Variants in MON2 observed in about 807,000 individuals in gnomAD.
The protein encoded by MON2 is protein MON2 homolog.
In MON2, 84 loss-of-function variants were observed where a neutral mutation model predicts 208.6. The ratio of observed to expected loss-of-function variants is 0.40; its 90% CI spans 0.34 to 0.48. MON2 has a LOEUF of 0.48. Ranked by LOEUF, MON2 falls within the 20% of genes least tolerant of loss-of-function variation. The pLI is 0.59. For synonymous variants in MON2, 660 were observed against 694.0 expected (o/e 0.95, Z 0.77); for missense variants, 1,611 against 2,015.4 (o/e 0.80, Z 3.84).
intron 9 of MON2, 128 bp from the exon 10 acceptor site, chr12:62,524,956 G>A: frequency 1.2e-6 from 1 of 844,678 alleles, no homozygotes; most frequent in Non-Finnish European, 1.8e-6. Context: ...TAAAATTACT[G>A]AGTTGTAATG....
intron 34 of MON2, among the ~76,000 whole-genome samples, chr12:62,588,634 T>C (rs1038604726): frequency 1.3e-5 from 2 of 152,198 alleles, no homozygotes; most frequent in African/African-American, 4.8e-5. Flanking sequence ...GGAAATGATT[T>C]TTCCATAGTA....
intron 1 of MON2, among the ~76,000 whole-genome samples, chr12:62,471,004 A>G (rs76595207): frequency 0.044 from 6,751 of 152,274 alleles, 215 homozygotes; most frequent in Non-Finnish European, 0.059. Flanking sequence ...GCTTGCATTG[A>G]GTTAGACAGT....
intron 8 of MON2, among the ~76,000 whole-genome samples, chr12:62,512,910 C>T (rs1366231872): frequency 6.6e-6 from 1 of 152,206 alleles, no homozygotes; most frequent in Non-Finnish European, 1.5e-5. Context: ...GGCTCAACAC[C>T]ATGTGGAAGC....
chr12:62,516,379 G>T (rs537522106), intron 8 of MON2, among the ~76,000 whole-genome samples: 1 of 152,050 alleles, frequency 6.6e-6, no homozygotes, highest in African/African-American at 2.4e-5. Flanking sequence ...AGCACAACAG[G>T]GTGATTAGTC....
At chr12:62,506,632 A>G (rs976441625) in intron 7 of MON2, among the ~76,000 whole-genome samples, 1 of 151,954 alleles carries the variant, frequency 6.6e-6, no homozygotes, top group Admixed American at 6.6e-5. Context: ...AGGCTGAGGC[A>G]GGAGAATTGC....
At chr12:62,471,795 C>T (rs774255882) in intron 1 of MON2, among the ~76,000 whole-genome samples, 3 of 152,104 alleles carry the variant, frequency 2.0e-5, no homozygotes, top group Non-Finnish European at 2.9e-5. Flanking sequence ...CTTGAGAAAA[C>T]TGAAGTTTCA....
At position 62,592,811 on chromosome 12, in the gene MON2, C is replaced by T; in HGVS notation, c.*62C>T. The T allele has an allele frequency of 6.9e-7, 1 of 1,450,578 alleles. No homozygotes were observed. The highest frequency in any genetic ancestry group is 9.3e-7 in the Non-Finnish European group (1 of 1,070,370). 89.9% of individuals were successfully genotyped at this position (1,450,578 alleles called of 1,614,324 possible). A position where few individuals can be genotyped will look rare whatever the true frequency, so the allele number is the denominator to read the frequency against. On this transcript the variant is annotated 3_prime_UTR_variant, in exon 35 of 35. Coordinates refer to ENST00000393630, the MANE Select transcript of MON2 (RefSeq NM_015026.3). Reference sequence around the variant, plus strand: ...AAAAAATGTTTGCTCCTAATTGAGTCTTCTGTGAGAAGGACATTTCTTACT... The same window carrying T: ...AAAAAATGTTTGCTCCTAATTGAGTTTTCTGTGAGAAGGACATTTCTTACT...
At chr12:62,527,909 T>A (rs1237897055) in intron 11 of MON2, among the ~76,000 whole-genome samples, 1 of 151,986 alleles carries the variant, frequency 6.6e-6, no homozygotes, top group Non-Finnish European at 1.5e-5. Context: ...GAACTCCTTT[T>A]TAAAATTTAT....
chr12:62,533,778 ACC>A, intron 12 of MON2, among the ~76,000 whole-genome samples: 1 of 151,890 alleles, frequency 6.6e-6, no homozygotes, highest in East Asian at 1.9e-4. Context: ...ACATACACAC[ACC>A]CCCACACACA....
chr12:62,588,680 C>CA (rs2075297965), intron 34 of MON2, among the ~76,000 whole-genome samples: 1 of 151,894 alleles, frequency 6.6e-6, no homozygotes, highest in Admixed American at 6.5e-5. Context: ...CCTCCCAAAG[C>CA]AAAAAAATAT....
At chr12:62,495,458 A>G (rs535988715) in intron 4 of MON2, among the ~76,000 whole-genome samples, 6 of 152,186 alleles carry the variant, frequency 3.9e-5, no homozygotes, top group Non-Finnish European at 8.8e-5. Flanking sequence ...AAAAAAAAAC[A>G]TGTTGTAAGA....
Position 62,589,196 on chromosome 12 carries a change from T to C in MON2, c.4990+1040T>C, listed in dbSNP as rs143577554. Among the ~76,000 whole-genome samples the C allele has an allele frequency of 2.0e-3, 309 of 152,352 alleles. 3 individuals carry two copies. The highest frequency in any genetic ancestry group is 7.1e-3 in the African/African-American group (296 of 41,580). ...CTGGCATCAGAATATAAATCAGATG[T>C]GTCACTAAACACACTGCTTGGTTCA... is the stretch of plus-strand genomic sequence containing the variant. On this transcript the variant is annotated intron_variant, in intron 34 of 34. Transcript: ENST00000393630.
chr12:62,493,886 A>G, intron 2 of MON2, 29 bp from the exon 3 acceptor site: 1 of 1,405,972 alleles, frequency 7.1e-7, no homozygotes, highest in South Asian at 1.6e-5. Context: ...TAATTTTAAT[A>G]ATTTACTTTA....
intron 30 of MON2, among the ~76,000 whole-genome samples, chr12:62,577,744 G>A (rs2074845299): frequency 6.6e-6 from 1 of 151,994 alleles, no homozygotes. Flanking sequence ...TACTGTGGCT[G>A]TCTAACTTTT....
chr12:62,513,514 C>T (rs540940930), intron 8 of MON2, among the ~76,000 whole-genome samples: 122 of 152,216 alleles, frequency 8.0e-4, no homozygotes, highest in African/African-American at 2.8e-3. Flanking sequence ...GCATGAGCCA[C>T]TGCGCCCGGC....
Position 62,561,057 on chromosome 12 carries a change from G to T in MON2, c.3976G>T (p.Ala1326Ser), listed in dbSNP as rs2074179882. The T allele has an allele frequency of 6.2e-7, 1 of 1,613,142 alleles. No individual in the cohort carries two copies. Among genetic ancestry groups the T allele is most frequent in the Non-Finnish European group, 8.5e-7 (1 of 1,179,532 alleles). Reference protein sequence around the residue: ...SPFILPSYTEAVLTSLQEAVL... With the variant: ...SPFILPSYTESVLTSLQEAVL... ...TTTTATTCTTCCATCTTATACCGAA[G>T]CAGTTTTGACAAGTTTACAGGAAGC... is the stretch of plus-strand genomic sequence containing the variant. The change falls in exon 26 of 35, where the codon GCA becomes TCA. Residue 1326 changes from alanine to serine, a missense_variant. By Grantham distance (99) the Ala-to-Ser change is moderately conservative. Coordinates refer to ENST00000393630, the MANE Select transcript of MON2 (RefSeq NM_015026.3).
At chr12:62,544,660 C>A (rs1336971074) in intron 20 of MON2, 8 of 915,086 alleles carry the variant, frequency 8.7e-6, no homozygotes, top group Non-Finnish European at 1.3e-5. Flanking sequence ...CTTTTGTTTA[C>A]CCTGATATAT....
At chr12:62,470,048 G>A (rs2068718913) in intron 1 of MON2, among the ~76,000 whole-genome samples, 1 of 151,880 alleles carries the variant, frequency 6.6e-6, no homozygotes, top group African/African-American at 2.4e-5. Flanking sequence ...GGGACTACAG[G>A]TGCATGCCAC....
rs1180008241 is a variant in MON2, at chr12:62,595,402, C to T, written c.*2653C>T. On this transcript the variant is annotated 3_prime_UTR_variant, in exon 35 of 35. Transcript: ENST00000393630. ...TCAGGTGATCTGCCCGCCTTGGCCT[C>T]CCAAAGTGCTGACATTACAGGCCTG... 1.3e-5 allele frequency: 2 copies of T among 152,250 alleles called. No homozygotes were observed. The allele number at this position is 152,250 out of a possible 1,614,324, so 9.4% of individuals were successfully genotyped here. A position where few individuals can be genotyped will look rare whatever the true frequency, so the allele number is the denominator to read the frequency against.
Sources: gnomAD v4.1 joint callset for allele counts (sites outside exome capture counted in the v4.1 genomes callset) on GRCh38, gnomAD v4.1.1 for gene constraint, MANE v1.5 for transcripts, NCBI Gene and HGNC (gene_info 2026-07-23, HGNC 2026-07-21) for gene names.